Variants in FGD6 observed in about 807,000 individuals in gnomAD.
FGD6 encodes FYVE, RhoGEF and PH domain containing 6.
Under a neutral mutation model 149.4 loss-of-function variants are expected in FGD6, and 90 were observed. The ratio of observed to expected loss-of-function variants is 0.60; its 90% CI spans 0.51 to 0.72. The LOEUF is 0.72. FGD6 is among the 30% of genes least tolerant of loss of function. The pLI is 0.00. For missense variants in FGD6, 1,437 were observed against 1,684.8 expected, an observed-to-expected ratio of 0.85 and a Z score of 2.57; for synonymous variants, 527 against 584.0, an observed-to-expected ratio of 0.90 and a Z score of 1.41.
At chr12:95,129,069 T>A (rs78473356) in intron 8 of FGD6, among the ~76,000 whole-genome samples, 1 of 152,066 alleles carries the variant, frequency 6.6e-6, no homozygotes, top group Admixed American at 6.5e-5. Context: ...CAGCAAGATA[T>A]TGCTATAAAA....
intron 8 of FGD6, among the ~76,000 whole-genome samples, chr12:95,113,916 G>C (rs887074702): frequency 6.6e-6 from 1 of 152,070 alleles, no homozygotes; most frequent in African/African-American, 2.4e-5. Flanking sequence ...AGGAAACATT[G>C]GTTATTTTAG....
At chr12:95,130,093 G>GT (rs1046681905) in intron 8 of FGD6, among the ~76,000 whole-genome samples, 7 of 152,318 alleles carry the variant, frequency 4.6e-5, no homozygotes, top group Admixed American at 3.3e-4. Context: ...GAATGTAGGT[G>GT]TAAGTGTTTT....
intron 3 of FGD6, among the ~76,000 whole-genome samples, chr12:95,153,738 G>A (rs1040704713): frequency 6.6e-6 from 1 of 152,104 alleles, no homozygotes; most frequent in Non-Finnish European, 1.5e-5. Flanking sequence ...TTCACCATAA[G>A]TAAAGGTATT....
At chr12:95,101,481 ATGATT>A (rs1878429777) in intron 14 of FGD6, among the ~76,000 whole-genome samples, 1 of 152,180 alleles carries the variant, frequency 6.6e-6, no homozygotes, top group African/African-American at 2.4e-5. Context: ...AATTTCTTGA[ATGATT>A]TAATCTTAAT....
In FGD6 at chr12:95,188,699, A is replaced by G. The variant is rs893713444; in HGVS notation, c.2442-15955T>C. ...ACTTTTTTTAAGACAACAATTTTAT[A>G]TAACTTTTATAACTAAACAAATACG... On this transcript the variant is annotated intron_variant, in intron 2 of 20. Transcript: ENST00000343958. Among the ~76,000 whole-genome samples, 3 of 152,316 alleles carry G rather than the reference A, an allele frequency of 2.0e-5. No homozygotes were observed. The East Asian group carries it at 5.8e-4, about 29-fold the overall frequency.
intron 2 of FGD6, among the ~76,000 whole-genome samples, chr12:95,178,640 A>C (rs961417911): frequency 6.6e-6 from 1 of 152,226 alleles, no homozygotes; most frequent in African/African-American, 2.4e-5. Context: ...TTGCTTGATT[A>C]AAGGTTAAGA....
intron 3 of FGD6, among the ~76,000 whole-genome samples, chr12:95,165,467 G>A (rs1880781308): frequency 6.6e-6 from 1 of 151,590 alleles, no homozygotes; most frequent in Non-Finnish European, 1.5e-5. Context: ...CTGAGTAGCT[G>A]GGATTACAGG....
Position 95,085,764 on chromosome 12 carries a change from A to G in FGD6, c.4107+16T>C. On this transcript the variant is annotated intron_variant, in intron 19 of 20. Coordinates refer to ENST00000343958, the MANE Select transcript of FGD6 (RefSeq NM_018351.4). ...ACAAAACCCCAAATTACTCATCTTT[A>G]GATTTCAGATCTTACCTCACTTGCA... The G allele has an allele frequency of 6.3e-7, 1 of 1,589,042 alleles. No individual in the cohort carries two copies. Among genetic ancestry groups the G allele is most frequent in the Non-Finnish European group, 8.5e-7 (1 of 1,172,946 alleles).
chr12:95,148,782 A>T lies in FGD6; in HGVS notation c.2685+4029T>A, dbSNP rs1326029730. On this transcript the variant is annotated intron_variant, in intron 5 of 20. Transcript: ENST00000343958. ...ATATGTTATATTACATATATTATAT[A>T]TTATATAATACATAGCATATGTTAT... Among the ~76,000 whole-genome samples the T allele has an allele frequency of 2.0e-4, 21 of 103,186 alleles. 2 individuals carry two copies. Among genetic ancestry groups the T allele is most frequent in the Non-Finnish European group, 3.7e-4 (21 of 56,900 alleles). 67.7% of individuals were successfully genotyped at this position (103,186 alleles called of 152,430 possible). A position where few individuals can be genotyped will look rare whatever the true frequency, so the allele number is the denominator to read the frequency against.
At chr12:95,086,844 CTTTTT>C (rs35618842) in intron 18 of FGD6, among the ~76,000 whole-genome samples, 57 of 92,904 alleles carry the variant, frequency 6.1e-4, no homozygotes, top group South Asian at 3.5e-3. Context: ...CCACACCGGC[CTTTTT>C]TTTTTTTTTT....
rs1307302228 is a variant in FGD6 at position 95,078,664 on chromosome 12, T to TTTC, written c.*2855_*2856insGAA. On this transcript the variant is annotated 3_prime_UTR_variant, in exon 21 of 21. Transcript: ENST00000343958. ...CATTACAGAAAAAGGGAAAAGAGATTGGAAAGAGTCGGAAATGTGGATGAT... is the reference window on the plus strand; with the variant it reads ...CATTACAGAAAAAGGGAAAAGAGATTTTCGGAAAGAGTCGGAAATGTGGATGAT... 1 of 152,192 alleles carries TTTC rather than the reference T, an allele frequency of 6.6e-6. No individual in the cohort carries two copies. The highest frequency in any genetic ancestry group is 1.5e-5 in the Non-Finnish European group (1 of 68,038). 9.4% of individuals were successfully genotyped at this position (152,192 alleles called of 1,614,324 possible). A position where few individuals can be genotyped will look rare whatever the true frequency, so the allele number is the denominator to read the frequency against.
chr12:95,164,840 T>A lies in FGD6; in HGVS notation c.2586+7760A>T, dbSNP rs148894318. Reference sequence around the variant, plus strand: ...CCAGACTGCCTGAGAAACATCTCTTTATCATTAAGTTATTTCAAAAATGAG... The same window carrying A: ...CCAGACTGCCTGAGAAACATCTCTTAATCATTAAGTTATTTCAAAAATGAG... On this transcript the variant is annotated intron_variant, in intron 3 of 20. Coordinates refer to ENST00000343958, the MANE Select transcript of FGD6 (RefSeq NM_018351.4). Among the ~76,000 whole-genome samples the A allele has an allele frequency of 3.0e-4, 46 of 152,342 alleles. No homozygotes were observed. In the East Asian group the frequency reaches 8.7e-3, roughly 29 times the overall value.
chr12:95,130,219 T>C (rs1054532979), intron 8 of FGD6, among the ~76,000 whole-genome samples: 1 of 152,190 alleles, frequency 6.6e-6, no homozygotes, highest in South Asian at 2.1e-4. Flanking sequence ...AGTGACAGAC[T>C]GCTCTATCTG....
intron 8 of FGD6, among the ~76,000 whole-genome samples, chr12:95,118,284 G>A (rs1879080959): frequency 1.3e-5 from 2 of 150,798 alleles, no homozygotes; most frequent in Admixed American, 6.7e-5. Flanking sequence ...AGGAGGTGGA[G>A]TTTGCAGTGA....
At chr12:95,083,030 T>TATAC (rs772685891) in intron 20 of FGD6, among the ~76,000 whole-genome samples, 13 of 56,582 alleles carry the variant, frequency 2.3e-4, no homozygotes, top group African/African-American at 8.1e-4. Context: ...TATATATATA[T>TATAC]ACACACACAT....
intron 6 of FGD6, 128 bp from the exon 7 acceptor site, chr12:95,137,806 A>C: frequency 1.7e-6 from 1 of 583,708 alleles, no homozygotes; most frequent in Non-Finnish European, 2.6e-6. Flanking sequence ...CATACCTCAA[A>C]ATGCCTACTT....
Position 95,210,800 on chromosome 12 carries a change from A to G in FGD6, c.484T>C (p.Tyr162His), listed in dbSNP as rs766513717. ...CCCTGGTTCTTGGCTTTTTCACCAT[A>G]CAAATCACATTTACTCCTAGTTTTT... ...TIKTRSKCDL[Y>H]GEKAKNQGGV... is the part of the protein sequence containing the mutation. Residue 162 changes from tyrosine (Y) to histidine (H), a missense_variant, in exon 2 of 21, where the codon TAT becomes CAT. By Grantham distance (83) the Tyr-to-His change is moderately conservative. This residue lies in a region of FGD6 where 1,055 missense variants were observed against 1,146.0 expected (regional missense o/e 0.92). Coordinates refer to ENST00000343958, the MANE Select transcript of FGD6 (RefSeq NM_018351.4). The G allele has an allele frequency of 1.9e-6, 3 of 1,614,000 alleles. No homozygotes were observed. Among genetic ancestry groups the G allele is most frequent in the Middle Eastern group, 1.6e-4 (1 of 6,062 alleles).
intron 9 of FGD6, among the ~76,000 whole-genome samples, chr12:95,109,611 C>T (rs1266998787): frequency 6.6e-6 from 1 of 152,092 alleles, no homozygotes; most frequent in East Asian, 1.9e-4. Flanking sequence ...GCCTGTAATC[C>T]GAACACTTTG....
At chr12:95,099,732 T>C (rs1383638367) in intron 14 of FGD6, among the ~76,000 whole-genome samples, 1 of 152,110 alleles carries the variant, frequency 6.6e-6, no homozygotes, top group African/African-American at 2.4e-5. Flanking sequence ...TGGTCTGTCT[T>C]CTACAAAGAA....
Sources: allele counts gnomAD v4.1 joint callset (sites outside exome capture counted in the v4.1 genomes callset), GRCh38; gene constraint gnomAD v4.1.1; regional missense constraint gnomAD v4.1.1; transcripts MANE v1.5; gene names NCBI Gene and HGNC (gene_info 2026-07-23, HGNC 2026-07-21).